The following TTC28 variants were observed in gnomAD, a reference collection of about 807,000 sequenced individuals.
TTC28 encodes the protein tetratricopeptide repeat domain 28.
In TTC28, 61 loss-of-function variants were observed where a neutral mutation model predicts 198.0. The observed-to-expected ratio is 0.31, with a 90% CI of 0.25 to 0.38. The LOEUF is 0.38. Ranked by LOEUF, TTC28 falls within the 10% of genes least tolerant of loss-of-function variation. The pLI, the probability that TTC28 is intolerant of heterozygous loss-of-function variation, is 1.00. For missense variants in TTC28, 2,678 were observed against 3,164.0 expected (o/e 0.85, Z 3.69); for synonymous variants, 1,171 against 1,297.8 (o/e 0.90, Z 2.10).
chr22:28,201,898 G>A (rs1925984943), intron 5 of TTC28, among the ~76,000 whole-genome samples: 1 of 151,910 alleles, frequency 6.6e-6, no homozygotes, highest in African/African-American at 2.4e-5. Flanking sequence ...ATAGACATGA[G>A]GAATATTTAG....
chr22:28,559,323 TCA>T (rs1303295893), intron 2 of TTC28, among the ~76,000 whole-genome samples: 3 of 152,186 alleles, frequency 2.0e-5, no homozygotes, highest in Non-Finnish European at 4.4e-5. Context: ...ACTAAAAATC[TCA>T]GTCTCCAAAG....
At chr22:28,041,862 A>G (rs1003383931) in intron 12 of TTC28, among the ~76,000 whole-genome samples, 3 of 152,192 alleles carry the variant, frequency 2.0e-5, no homozygotes, top group East Asian at 1.9e-4. Flanking sequence ...TCCAGAATCT[A>G]CAAAGAACTC....
intron 2 of TTC28, among the ~76,000 whole-genome samples, chr22:28,466,759 C>T (rs546994351): frequency 6.6e-6 from 1 of 151,836 alleles, no homozygotes; most frequent in South Asian, 2.1e-4. Flanking sequence ...ACTTTTCTAG[C>T]ATAAGCCCCC....
intron 2 of TTC28, among the ~76,000 whole-genome samples, chr22:28,460,542 GTATATA>G (rs41564112): frequency 6.7e-6 from 1 of 149,408 alleles, no homozygotes; most frequent in Non-Finnish European, 1.5e-5. Context: ...TATCTAATAT[GTATATA>G]TATATATGTA....
intron 2 of TTC28, among the ~76,000 whole-genome samples, chr22:28,388,656 G>C (rs1373754653): frequency 6.6e-6 from 1 of 152,184 alleles, no homozygotes; most frequent in African/African-American, 2.4e-5. Flanking sequence ...TGTTGTTGGT[G>C]TATAAGAACG....
Position 27,979,452 on chromosome 22 carries a change from C to A in TTC28, c.*2769G>T, listed in dbSNP as rs542188371. 6.6e-6 allele frequency: 1 copy of A among 150,546 alleles called. No homozygotes were observed. Among genetic ancestry groups the A allele is most frequent in the African/African-American group, 2.5e-5 (1 of 40,788 alleles). 9.3% of individuals were successfully genotyped at this position (150,546 alleles called of 1,614,324 possible). Reference sequence around the variant, plus strand: ...CCAAAATCGCACCAGTGCACTCTATCCTGGGTGACAGAGCGAGACTCTGTC... The same window carrying A: ...CCAAAATCGCACCAGTGCACTCTATACTGGGTGACAGAGCGAGACTCTGTC... On this transcript the variant is annotated 3_prime_UTR_variant, in exon 23 of 23. Coordinates refer to ENST00000397906, the MANE Select transcript of TTC28 (RefSeq NM_001145418.2).
chr22:28,512,901 G>A (rs1374358695), intron 2 of TTC28, among the ~76,000 whole-genome samples: 1 of 151,546 alleles, frequency 6.6e-6, no homozygotes, highest in East Asian at 1.9e-4. Context: ...CATCCTGCAC[G>A]TGTACCCCTG....
At chr22:28,056,736 C>T (rs937844246) in intron 12 of TTC28, among the ~76,000 whole-genome samples, 1 of 152,070 alleles carries the variant, frequency 6.6e-6, no homozygotes, top group African/African-American at 2.4e-5. Flanking sequence ...GTTCATAACT[C>T]TATCAAGATT....
At chr22:28,673,947 C>T (rs2051932416) in intron 1 of TTC28, among the ~76,000 whole-genome samples, 1 of 151,766 alleles carries the variant, frequency 6.6e-6, no homozygotes, top group Non-Finnish European at 1.5e-5. Context: ...AAGATTGTAA[C>T]CATGAAATTT....
intron 2 of TTC28, among the ~76,000 whole-genome samples, chr22:28,558,432 G>C (rs1359426910): frequency 6.6e-6 from 1 of 152,190 alleles, no homozygotes; most frequent in African/African-American, 2.4e-5. Flanking sequence ...CCAGTACTTT[G>C]GGAGGCAGAG....
At position 28,188,008 on chromosome 22, in the gene TTC28, A is replaced by G. The variant is rs553739588; in HGVS notation, c.934-24409T>C. Among the ~76,000 whole-genome samples the G allele has an allele frequency of 1.3e-4, 20 of 152,342 alleles. No homozygotes were observed. The South Asian group carries it at 3.7e-3, about 28-fold the overall frequency. On this transcript the variant is annotated intron_variant, in intron 5 of 22. Coordinates refer to ENST00000397906, the MANE Select transcript of TTC28 (RefSeq NM_001145418.2). Reference sequence around the variant, plus strand: ...CAGTTGATGTATTCACCACTCAACAACATTGAGTGCCTACTATGTGCTAGG... The same window carrying G: ...CAGTTGATGTATTCACCACTCAACAGCATTGAGTGCCTACTATGTGCTAGG...
rs1350506309 is a variant in TTC28, at chr22:28,553,200, G to A, written c.381+76352C>T. 5.9e-5 allele frequency among the ~76,000 whole-genome samples: 9 copies of A among 151,922 alleles called. No homozygotes were observed. In the East Asian group the frequency reaches 1.2e-3, roughly 20 times the overall value. On this transcript the variant is annotated intron_variant, in intron 2 of 22. Coordinates refer to ENST00000397906, the MANE Select transcript of TTC28 (RefSeq NM_001145418.2). The stretch of plus-strand genomic sequence containing the variant: ...AGTGCCAAGATTGCAGCCTCTGCCC[G>A]GCCGCCACCCCGTCTGGGAAGTGAG...
At chr22:28,312,426 T>C (rs1342138546) in intron 2 of TTC28, among the ~76,000 whole-genome samples, 9 of 152,032 alleles carry the variant, frequency 5.9e-5, no homozygotes, top group African/African-American at 1.4e-4. Flanking sequence ...CAGCACCACA[T>C]CACACTTATT....
chr22:28,635,093 G>A (rs546656847), intron 1 of TTC28, among the ~76,000 whole-genome samples: 12 of 152,100 alleles, frequency 7.9e-5, no homozygotes, highest in Admixed American at 4.6e-4. Context: ...AGGCTGAGGC[G>A]GGCGGATCAC....
At chr22:28,489,161 G>A (rs1368487675) in intron 2 of TTC28, among the ~76,000 whole-genome samples, 1 of 152,038 alleles carries the variant, frequency 6.6e-6, no homozygotes, top group African/African-American at 2.4e-5. Flanking sequence ...GGGCATGCCT[G>A]TAGTCCCAGC....
At chr22:28,030,129 GCCTAACCA>G in intron 13 of TTC28, 89 bp downstream of exon 13, 20 of 1,477,960 alleles carry the variant, frequency 1.4e-5, no homozygotes, top group South Asian at 6.9e-5. Flanking sequence ...CGAGCCAGAA[GCCTAACCA>G]GCTGGAAGGA....
At chr22:28,505,421 GCAA>G (rs1291351435) in intron 2 of TTC28, among the ~76,000 whole-genome samples, 2 of 152,104 alleles carry the variant, frequency 1.3e-5, no homozygotes, top group Non-Finnish European at 2.9e-5. Flanking sequence ...AACTGTCTAG[GCAA>G]CAACAACTTG....
intron 2 of TTC28, among the ~76,000 whole-genome samples, chr22:28,625,606 G>A (rs1180503844): frequency 6.6e-6 from 1 of 152,138 alleles, no homozygotes; most frequent in African/African-American, 2.4e-5. Context: ...ATAACATTAA[G>A]ATGGCATTTC....
At chr22:28,387,343 C>A (rs906225525) in intron 2 of TTC28, among the ~76,000 whole-genome samples, 3 of 152,180 alleles carry the variant, frequency 2.0e-5, no homozygotes, top group South Asian at 2.1e-4. Context: ...ATTTATAGTC[C>A]TTTGGGTATA....
Sources: allele counts gnomAD v4.1 joint callset (sites outside exome capture counted in the v4.1 genomes callset), GRCh38; gene constraint gnomAD v4.1.1; transcripts MANE v1.5; gene names NCBI Gene and HGNC (gene_info 2026-07-23, HGNC 2026-07-21).